The following TMPRSS15 variants were observed in gnomAD, a reference collection of about 807,000 sequenced individuals.
TMPRSS15 encodes transmembrane serine protease 15, also known as enteropeptidase.
A neutral mutation model predicts 125.3 loss-of-function variants in TMPRSS15; 128 were observed. That is an observed-to-expected ratio of 1.02 (90% CI 0.89 to 1.18). The LOEUF is 1.18. TMPRSS15 is among the 50% of genes most tolerant of loss of function. TMPRSS15 has a pLI of 0.00. For synonymous variants in TMPRSS15, 446 were observed against 423.2 expected, an observed-to-expected ratio of 1.05 and a Z score of -0.66; for missense variants, 1,283 against 1,212.7, an observed-to-expected ratio of 1.06 and a Z score of -0.86.
chr21:18,331,610 T>G (rs980465239), intron 14 of TMPRSS15, among the ~76,000 whole-genome samples: 4 of 152,228 alleles, frequency 2.6e-5, no homozygotes, highest in African/African-American at 9.6e-5. Flanking sequence ...CTTTATTGGC[T>G]CTAGTGTATA....
At chr21:18,380,167 T>TCACTCACACACACA (rs144691737) in intron 4 of TMPRSS15, among the ~76,000 whole-genome samples, 6 of 139,414 alleles carry the variant, frequency 4.3e-5, no homozygotes, top group African/African-American at 1.3e-4. Context: ...TATGGAGATG[T>TCACTCACACACACA]CACACACACA....
intron 18 of TMPRSS15, among the ~76,000 whole-genome samples, chr21:18,306,876 A>G (rs1276583968): frequency 6.6e-6 from 1 of 152,088 alleles, no homozygotes; most frequent in African/African-American, 2.4e-5. Context: ...GGTACTTTTT[A>G]TTTATGCATG....
intron 3 of TMPRSS15, among the ~76,000 whole-genome samples, chr21:18,392,052 C>A (rs1001449453): frequency 6.6e-6 from 1 of 152,160 alleles, no homozygotes; most frequent in East Asian, 1.9e-4. Context: ...GGGTCCTGGG[C>A]CCCATCCACA....
intron 18 of TMPRSS15, among the ~76,000 whole-genome samples, 179 bp downstream of exon 18, chr21:18,312,763 GTTA>G (rs1216731619): frequency 1.3e-5 from 2 of 151,798 alleles, no homozygotes; most frequent in African/African-American, 4.8e-5. Flanking sequence ...TCATACAAAG[GTTA>G]TTAACAGTGG....
At chr21:18,425,797 T>C (rs1271612313) in intron 1 of TMPRSS15, among the ~76,000 whole-genome samples, 2 of 152,164 alleles carry the variant, frequency 1.3e-5, no homozygotes, top group Non-Finnish European at 2.9e-5. Context: ...ACATTTTTCA[T>C]GGATATTTTG....
chr21:18,467,711 A>G (rs2123279904), intron 1 of TMPRSS15, among the ~76,000 whole-genome samples: 1 of 152,228 alleles, frequency 6.6e-6, no homozygotes, highest in African/African-American at 2.4e-5. Flanking sequence ...CTGTGTAAAG[A>G]GGAAGGTGGG....
chr21:18,309,977 ATGCACAGCTTT>A lies in TMPRSS15; in HGVS notation c.2165+2957_2165+2967del, dbSNP rs570116381. Among the ~76,000 whole-genome samples the A allele has an allele frequency of 3.1e-3, 468 of 152,256 alleles. 1 individual carries two copies. The highest frequency in any genetic ancestry group is 0.01 in the Middle Eastern group (3 of 294). ...TGGAGCTGGGAAGTTTCCATTCTAA[ATGCACAGCTTT>A]TGAGAATATAACAGGAACTGGAAGC... On this transcript the variant is annotated intron_variant, in intron 18 of 24. Coordinates refer to ENST00000284885, the MANE Select transcript of TMPRSS15 (RefSeq NM_002772.3).
At chr21:18,409,277 T>TG in intron 1 of TMPRSS15, among the ~76,000 whole-genome samples, 1 of 152,176 alleles carries the variant, frequency 6.6e-6, no homozygotes, top group Non-Finnish European at 1.5e-5. Context: ...TTTTCATACT[T>TG]GAAGTTCAAA....
At chr21:18,360,482 C>A (rs926432012) in intron 7 of TMPRSS15, among the ~76,000 whole-genome samples, 1 of 151,976 alleles carries the variant, frequency 6.6e-6, no homozygotes, top group African/African-American at 2.4e-5. Flanking sequence ...TTTGAGGAAC[C>A]TGCACACTGT....
At chr21:18,407,803 TATAAG>T, upstream of TMPRSS15, among the ~76,000 whole-genome samples, 1 of 152,278 alleles carries the variant, frequency 6.6e-6, no homozygotes, top group Non-Finnish European at 1.5e-5. Flanking sequence ...CATTTAACCG[TATAAG>T]ATAAAACGCT....
chr21:18,351,885 T>G (rs566188502), intron 10 of TMPRSS15, among the ~76,000 whole-genome samples: 2 of 152,226 alleles, frequency 1.3e-5, no homozygotes, highest in East Asian at 3.9e-4. Context: ...AAAAAAAATT[T>G]CAACTTGGAA....
rs1488690651 is a variant in TMPRSS15, at chr21:18,397,924, C to T, written c.299G>A (p.Ser100Asn). Residue 100 changes from serine to asparagine, a missense_variant, in exon 3 of 25, where the codon AGC becomes AAC. Physicochemically the swap from Ser to Asn is conservative, Grantham distance 46 (BLOSUM62 1). Coordinates refer to ENST00000284885, the MANE Select transcript of TMPRSS15 (RefSeq NM_002772.3). ...QQMIDEIFLS[S>N]NLKNEYKNSR... is the part of the protein sequence containing the mutation. Reference sequence around the variant, plus strand: ...GTTCTTATATTCATTCTTCAGATTGCTTGATAGAAAGATCTCATCTATCTA... The same window carrying T: ...GTTCTTATATTCATTCTTCAGATTGTTTGATAGAAAGATCTCATCTATCTA... 1.9e-6 allele frequency: 3 copies of T among 1,544,372 alleles called. No homozygotes were observed. The highest frequency in any genetic ancestry group is 2.3e-5 in the East Asian group (1 of 43,942).
intron 19 of TMPRSS15, among the ~76,000 whole-genome samples, chr21:18,296,704 T>C (rs2074911932): frequency 6.6e-6 from 1 of 152,332 alleles, no homozygotes; most frequent in East Asian, 1.9e-4. Context: ...TCAGGATCTA[T>C]ATGGTAATAT....
chr21:18,318,460 C>A (rs558569036), intron 16 of TMPRSS15, among the ~76,000 whole-genome samples: 1 of 152,098 alleles, frequency 6.6e-6, no homozygotes, highest in South Asian at 2.1e-4. Flanking sequence ...AACATTGGAA[C>A]GATGGGAAGA....
At chr21:18,305,346 G>A (rs867804070) in intron 18 of TMPRSS15, among the ~76,000 whole-genome samples, 2 of 151,798 alleles carry the variant, frequency 1.3e-5, no homozygotes, top group East Asian at 1.9e-4. Context: ...CCGCCACCGC[G>A]CCCGGCTAAT....
At chr21:18,375,499 T>A (rs1208543268) in intron 5 of TMPRSS15, among the ~76,000 whole-genome samples, 1 of 152,064 alleles carries the variant, frequency 6.6e-6, no homozygotes, top group African/African-American at 2.4e-5. Flanking sequence ...AGGAAAGGAG[T>A]TTATCAATTC....
chr21:18,280,600 A>G (rs1289587824), intron 22 of TMPRSS15, among the ~76,000 whole-genome samples: 1 of 149,576 alleles, frequency 6.7e-6, no homozygotes. Context: ...AAAAAACAAC[A>G]AAACAACAAA....
At chr21:18,426,133 T>C (rs1365068540) in intron 1 of TMPRSS15, among the ~76,000 whole-genome samples, 1 of 152,168 alleles carries the variant, frequency 6.6e-6, no homozygotes, top group Admixed American at 6.5e-5. Flanking sequence ...TACGAACCCT[T>C]ATTTAGCAAC....
intron 2 of TMPRSS15, 125 bp downstream of exon 2, chr21:18,398,074 T>C: frequency 7.9e-7 from 1 of 1,271,094 alleles, no homozygotes; most frequent in Non-Finnish European, 1.1e-6. Context: ...GTAATGGGGC[T>C]CATACATTTG....
Sources: allele counts gnomAD v4.1 joint callset (sites outside exome capture counted in the v4.1 genomes callset), GRCh38; gene constraint gnomAD v4.1.1; transcripts MANE v1.5; gene names NCBI Gene and HGNC (gene_info 2026-07-23, HGNC 2026-07-21).